SAMD5: variants seen among roughly 807,000 people sequenced by gnomAD.
SAMD5 encodes the protein sterile alpha motif domain-containing protein 5.
SAMD5 carries 13 observed loss-of-function variants against 11.3 expected under a neutral mutation model. The ratio of observed to expected loss-of-function variants is 1.15; its 90% CI spans 0.75 to 1.83. The LOEUF is 1.83. Ranked by LOEUF, SAMD5 falls within the 40% of genes most tolerant of loss-of-function variation. SAMD5 has a pLI of 0.00. For missense variants in SAMD5, 255 were observed against 239.1 expected (o/e 1.07, Z -0.44); for synonymous variants, 129 against 111.3 (o/e 1.16, Z -1.00).
At chr6:147,751,878 TATATA>T in the SAMD5 span, among the ~76,000 whole-genome samples, 3 of 152,184 alleles carry the variant, frequency 2.0e-5, no homozygotes, top group Admixed American at 2.0e-4. Context: ...AATACAAACG[TATATA>T]ATAAATAGAA....
chr6:147,546,512 A>T (rs1323822584), intron 1 of SAMD5, among the ~76,000 whole-genome samples: 1 of 121,740 alleles, frequency 8.2e-6, no homozygotes, highest in African/African-American at 3.1e-5. Flanking sequence ...CCTGGGCAAC[A>T]AGAGCGAAAC....
intron 1 of SAMD5, among the ~76,000 whole-genome samples, chr6:147,593,813 A>G (rs1789490535): frequency 1.3e-5 from 2 of 152,076 alleles, no homozygotes; most frequent in Non-Finnish European, 2.9e-5. Context: ...TTGCAGACTC[A>G]TCCCCATGAA....
At chr6:147,629,638 A>G (rs1439070954) in intron 1 of SAMD5, among the ~76,000 whole-genome samples, 1 of 152,210 alleles carries the variant, frequency 6.6e-6, no homozygotes, top group East Asian at 1.9e-4. Context: ...GGTCAGAAGT[A>G]ACCTAACTAT....
At chr6:147,614,200 G>C (rs1789830897) in intron 1 of SAMD5, among the ~76,000 whole-genome samples, 1 of 151,942 alleles carries the variant, frequency 6.6e-6, no homozygotes, top group Non-Finnish European at 1.5e-5. Context: ...CGGGCATGGT[G>C]GCTCACACCT....
At chr6:147,759,544 T>C in the SAMD5 span, among the ~76,000 whole-genome samples, 3 of 151,358 alleles carry the variant, frequency 2.0e-5, no homozygotes, top group African/African-American at 4.8e-5. Context: ...AAGATATATA[T>C]GTATATATCT....
downstream of SAMD5, among the ~76,000 whole-genome samples, chr6:147,571,135 T>G (rs1009701264): frequency 6.6e-6 from 1 of 152,198 alleles, no homozygotes. Context: ...GAAAACCTGA[T>G]CTTTCAGCCT....
downstream of SAMD5, among the ~76,000 whole-genome samples, chr6:147,738,428 G>T (rs1791836159): frequency 6.6e-6 from 1 of 152,140 alleles, no homozygotes; most frequent in Non-Finnish European, 1.5e-5. Context: ...CAAGCACTGT[G>T]CGCAGAAGTT....
the SAMD5 span, among the ~76,000 whole-genome samples, chr6:147,917,215 C>A: frequency 7.8e-6 from 1 of 128,354 alleles, no homozygotes; most frequent in Non-Finnish European, 1.6e-5. Flanking sequence ...CTCTCCAGCA[C>A]CTGTTGTTTC....
At chr6:147,923,567 A>G in the SAMD5 span, among the ~76,000 whole-genome samples, 4 of 152,226 alleles carry the variant, frequency 2.6e-5, no homozygotes, top group African/African-American at 9.6e-5. Flanking sequence ...AAAGCAGTAA[A>G]TTAAGGCAGA....
chr6:147,632,552 A>C (rs1292851233), intron 1 of SAMD5, among the ~76,000 whole-genome samples: 1 of 152,144 alleles, frequency 6.6e-6, no homozygotes, highest in Middle Eastern at 3.2e-3. Flanking sequence ...AGGGCCTCTA[A>C]AAGTATTAAG....
chr6:147,624,693 A>G (rs1308825630), intron 1 of SAMD5, among the ~76,000 whole-genome samples: 5 of 152,120 alleles, frequency 3.3e-5, no homozygotes, highest in Admixed American at 3.3e-4. Flanking sequence ...TGCTATAAAC[A>G]TGATACAATG....
chr6:147,745,773 CTTTCTTTTTTTTTTTTT>C, the SAMD5 span, among the ~76,000 whole-genome samples: 1 of 140,038 alleles, frequency 7.1e-6, no homozygotes, highest in Non-Finnish European at 1.5e-5. Flanking sequence ...AGGTTTCTTT[CTTTCTTTTTTTTTTTTT>C]TTTTTTGAAA....
At chr6:147,511,872 T>C (rs1303558419) in intron 1 of SAMD5, among the ~76,000 whole-genome samples, 2 of 152,204 alleles carry the variant, frequency 1.3e-5, no homozygotes, top group African/African-American at 4.8e-5. Context: ...TCATGAGCAG[T>C]GCTAGAACTT....
At chr6:147,842,585 G>A in the SAMD5 span, among the ~76,000 whole-genome samples, 1 of 151,766 alleles carries the variant, frequency 6.6e-6, no homozygotes, top group Non-Finnish European at 1.5e-5. Flanking sequence ...TCTACATCAG[G>A]GAATTAGAAG....
intron 1 of SAMD5, among the ~76,000 whole-genome samples, chr6:147,539,678 C>T (rs1788568385): frequency 1.4e-5 from 2 of 146,658 alleles, no homozygotes; most frequent in African/African-American, 5.1e-5. Context: ...GGACCTCTTA[C>T]ATGTGTGTTA....
chr6:147,817,611 A>G, the SAMD5 span, among the ~76,000 whole-genome samples: 9 of 152,256 alleles, frequency 5.9e-5, no homozygotes, highest in African/African-American at 1.2e-4. Context: ...CCACAGCTCT[A>G]TGGTTTGTAA....
chr6:147,683,867 G>A (rs1166597681), intron 1 of SAMD5, among the ~76,000 whole-genome samples: 1 of 152,104 alleles, frequency 6.6e-6, no homozygotes, highest in African/African-American at 2.4e-5. Flanking sequence ...GACCATTTCA[G>A]AATTACTCCT....
At chr6:147,816,295 AAAAAAAATATATAT>A in the SAMD5 span, among the ~76,000 whole-genome samples, 3 of 89,596 alleles carry the variant, frequency 3.3e-5, no homozygotes, top group East Asian at 9.4e-4. Flanking sequence ...AAAAAAAAAA[AAAAAAAATATATAT>A]ATATATATAT....
chr6:147,833,851 G>A, the SAMD5 span, among the ~76,000 whole-genome samples: 2 of 152,248 alleles, frequency 1.3e-5, no homozygotes, highest in African/African-American at 4.8e-5. Context: ...TTGATGCTTC[G>A]TTTTTGTGAC....
Sources: gnomAD v4.1 joint callset for allele counts (sites outside exome capture counted in the v4.1 genomes callset) on GRCh38, gnomAD v4.1.1 for gene constraint, MANE v1.5 for transcripts, NCBI Gene and HGNC (gene_info 2026-07-23, HGNC 2026-07-21) for gene names.